Variants in KLHL29 observed in about 807,000 individuals in gnomAD.
The protein encoded by KLHL29 is kelch-like protein 29.
In KLHL29, 21 loss-of-function variants were observed where a neutral mutation model predicts 80.4. The ratio of observed to expected loss-of-function variants is 0.26; its 90% confidence interval spans 0.19 to 0.38. KLHL29 has a LOEUF of 0.38. Ranked by LOEUF, KLHL29 falls within the 10% of genes least tolerant of loss-of-function variation. The pLI is 1.00. For synonymous variants in KLHL29, 511 were observed against 526.8 expected (o/e 0.97, Z 0.41); for missense variants, 867 against 1,223.9 (o/e 0.71, Z 4.35).
Position 23,503,492 on chromosome 2 carries a change from C to G in KLHL29, c.-46+27825C>G, listed in dbSNP as rs143976378. Among the ~76,000 whole-genome samples, 53 of 152,144 alleles carry G rather than the reference C, an allele frequency of 3.5e-4. No individual in the cohort carries two copies. Among genetic ancestry groups the G allele is most frequent in the African/African-American group, 1.3e-3 (52 of 41,492 alleles). On this transcript the variant is annotated intron_variant, in intron 2 of 13. Transcript: ENST00000486442. The surrounding 1 kb of genome is among the most constrained non-coding windows in gnomAD (Gnocchi z 4.0). ...CTCAGACTGGAAAATACAGACGAGGCCATAGAAGTTAGTGTTGTCCTAGGG... is the reference window on the plus strand; with the variant it reads ...CTCAGACTGGAAAATACAGACGAGGGCATAGAAGTTAGTGTTGTCCTAGGG...
At chr2:23,400,649 T>C (rs969107965) in intron 1 of KLHL29, among the ~76,000 whole-genome samples, 1 of 151,386 alleles carries the variant, frequency 6.6e-6, no homozygotes, top group African/African-American at 2.4e-5. Flanking sequence ...TTGGGAAATA[T>C]AATAGTGAGA....
chr2:23,461,381 G>A (rs1261023902), intron 1 of KLHL29, among the ~76,000 whole-genome samples: 2 of 152,312 alleles, frequency 1.3e-5, no homozygotes, highest in African/African-American at 4.8e-5. Context: ...GCAGCCACAG[G>A]ATCTCAATTC....
chr2:23,626,349 C>T (rs552305957), intron 3 of KLHL29, among the ~76,000 whole-genome samples: 1 of 152,314 alleles, frequency 6.6e-6, no homozygotes, highest in East Asian at 1.9e-4. Flanking sequence ...TGCTGTGTGG[C>T]CTAGTTCCTA....
chr2:23,426,659 C>G (rs892244126), intron 1 of KLHL29, among the ~76,000 whole-genome samples: 4 of 152,240 alleles, frequency 2.6e-5, no homozygotes, highest in African/African-American at 4.8e-5. Flanking sequence ...AGTCACGTCT[C>G]TAAATGGGCT....
chr2:23,478,578 A>C (rs1030414304), intron 2 of KLHL29, among the ~76,000 whole-genome samples: 1 of 152,132 alleles, frequency 6.6e-6, no homozygotes, highest in African/African-American at 2.4e-5. Flanking sequence ...TGATACCTGC[A>C]CTGCAGGAAA....
Position 23,660,117 on chromosome 2 carries a change from G to C in KLHL29, c.940+17267G>C, listed in dbSNP as rs962804423. ...CATGTGGAAGCCACCAGGCCCAAGT[G>C]CCAGCCTAGGGCAGACAGGTCTCTT... On this transcript the variant is annotated intron_variant, in intron 5 of 13. Coordinates refer to ENST00000486442, the MANE Select transcript of KLHL29 (RefSeq NM_052920.2). Among the ~76,000 whole-genome samples the C allele has an allele frequency of 5.3e-5, 8 of 152,182 alleles. No individual in the cohort carries two copies. The East Asian group carries it at 1.6e-3, about 30-fold the overall frequency.
intron 3 of KLHL29, among the ~76,000 whole-genome samples, chr2:23,638,085 T>TAAAAAAAAAAAAAAAA (rs553356362): frequency 1.8e-5 from 2 of 111,572 alleles, no homozygotes; most frequent in East Asian, 2.6e-4. Context: ...ATGGCCATAG[T>TAAAAAAAAAAAAAAAA]AAAAAAAAAA....
At chr2:23,553,237 G>C (rs1451789331) in intron 2 of KLHL29, among the ~76,000 whole-genome samples, 3 of 152,256 alleles carry the variant, frequency 2.0e-5, no homozygotes, top group African/African-American at 7.2e-5. Flanking sequence ...CACTGGCCCT[G>C]GCTGAGTGGG....
chr2:23,478,946 G>A (rs976244837), intron 2 of KLHL29, among the ~76,000 whole-genome samples: 4 of 151,384 alleles, frequency 2.6e-5, no homozygotes, highest in African/African-American at 7.3e-5. Context: ...TCCTGCAGGC[G>A]TCCTCTCTGA....
intron 13 of KLHL29, 137 bp downstream of exon 13, chr2:23,704,000 AG>A (rs1672557473): frequency 3.9e-6 from 4 of 1,033,796 alleles, no homozygotes; most frequent in Non-Finnish European, 5.5e-6. Context: ...CTCCAACCAC[AG>A]GAGTGGGCAT....
intron 1 of KLHL29, among the ~76,000 whole-genome samples, chr2:23,450,347 T>A (rs1663840410): frequency 6.6e-6 from 1 of 152,144 alleles, no homozygotes; most frequent in African/African-American, 2.4e-5. Context: ...TTTCTATAGC[T>A]TAGATTGCGG....
rs370294514 is a variant in KLHL29 at position 23,470,969 on chromosome 2, C to T, written c.-153-4591C>T. Among the ~76,000 whole-genome samples the T allele has an allele frequency of 3.6e-4, 55 of 152,294 alleles. 1 individual carries two copies. The South Asian group carries it at 0.011, about 30-fold the overall frequency. On this transcript the variant is annotated intron_variant, in intron 1 of 13. Coordinates refer to ENST00000486442, the MANE Select transcript of KLHL29 (RefSeq NM_052920.2). Reference sequence around the variant, plus strand: ...ATGGATGGATGGCCTGTTTTTCTCTCGTCTTAAAAAGAATATGAATGAGCG... The same window carrying T: ...ATGGATGGATGGCCTGTTTTTCTCTTGTCTTAAAAAGAATATGAATGAGCG...
At chr2:23,424,239 T>C (rs572963835) in intron 1 of KLHL29, among the ~76,000 whole-genome samples, 1 of 152,346 alleles carries the variant, frequency 6.6e-6, no homozygotes, top group East Asian at 1.9e-4. Flanking sequence ...CCTTACATAG[T>C]TTCCCCTAAT....
At chr2:23,659,426 G>A (rs1214902250) in intron 5 of KLHL29, among the ~76,000 whole-genome samples, 1 of 152,148 alleles carries the variant, frequency 6.6e-6, no homozygotes, top group Non-Finnish European at 1.5e-5. Flanking sequence ...TGGGTCAGTG[G>A]GTGGACACCA....
chr2:23,687,031 G>A (rs1671292365), intron 6 of KLHL29, among the ~76,000 whole-genome samples: 1 of 152,114 alleles, frequency 6.6e-6, no homozygotes, highest in African/African-American at 2.4e-5. Context: ...AGAAGCTGAT[G>A]TAACCATGTC....
chr2:23,387,278 C>A (rs1666209773), intron 1 of KLHL29, among the ~76,000 whole-genome samples: 1 of 152,230 alleles, frequency 6.6e-6, no homozygotes, highest in Non-Finnish European at 1.5e-5. Flanking sequence ...AGCCTCTCTC[C>A]AGTCCAGCAA....
intron 3 of KLHL29, among the ~76,000 whole-genome samples, chr2:23,577,860 A>G (rs1281593863): frequency 1.3e-5 from 2 of 152,126 alleles, no homozygotes; most frequent in Non-Finnish European, 2.9e-5. Context: ...GCTGCCTCCA[A>G]GGAAAATCTG....
At chr2:23,474,862 T>C (rs138788523) in intron 1 of KLHL29, among the ~76,000 whole-genome samples, 5 of 152,318 alleles carry the variant, frequency 3.3e-5, no homozygotes, top group African/African-American at 1.2e-4. Flanking sequence ...TCCCAGGTAA[T>C]GACAGTCGTG....
chr2:23,581,797 C>T (rs1275854480), intron 3 of KLHL29, among the ~76,000 whole-genome samples: 1 of 115,744 alleles, frequency 8.6e-6, no homozygotes, highest in Non-Finnish European at 1.6e-5. Context: ...CATTGCACTC[C>T]AGCCTGGGCA....
Sources: gnomAD v4.1 joint callset for allele counts (sites outside exome capture counted in the v4.1 genomes callset) on GRCh38, gnomAD v4.1.1 for gene constraint, Gnocchi (gnomAD v3.1) non-coding constraint, MANE v1.5 for transcripts, NCBI Gene and HGNC (gene_info 2026-07-23, HGNC 2026-07-21) for gene names.